Variants in MYPN observed in about 807,000 individuals in gnomAD.
MYPN encodes the protein myopalladin.
In MYPN, 63 loss-of-function variants were observed where a neutral mutation model predicts 129.4. The observed-to-expected ratio is 0.49, with a 90% CI of 0.40 to 0.60. The LOEUF (loss-of-function observed/expected upper bound fraction) is 0.60. Ranked by LOEUF, MYPN falls within the 20% of genes least tolerant of loss-of-function variation. The pLI, the probability that MYPN is intolerant of heterozygous loss-of-function variation, is 0.00. For synonymous variants in MYPN, 629 were observed against 600.9 expected, an observed-to-expected ratio of 1.05 and a Z score of -0.68; for missense variants, 1,596 against 1,635.4, an observed-to-expected ratio of 0.98 and a Z score of 0.42.
At chr10:68,151,297 C>T (rs538035116) in intron 6 of MYPN, among the ~76,000 whole-genome samples, 68 of 152,252 alleles carry the variant, frequency 4.5e-4, no homozygotes, top group Admixed American at 2.0e-3. Flanking sequence ...GAGTCTAGAG[C>T]GAACAACCAT....
intron 2 of MYPN, among the ~76,000 whole-genome samples, chr10:68,123,533 A>AC (rs1260065912): frequency 3.3e-5 from 5 of 151,146 alleles, no homozygotes; most frequent in African/African-American, 1.2e-4. Flanking sequence ...AAAAAAAAAA[A>AC]AAATTAGCCA....
At chr10:68,189,559 A>G (rs2043478028) in intron 13 of MYPN, among the ~76,000 whole-genome samples, 1 of 152,066 alleles carries the variant, frequency 6.6e-6, no homozygotes, top group Non-Finnish European at 1.5e-5. Flanking sequence ...CATTCCACTC[A>G]CCACCTCCAT....
At chr10:68,142,779 A>G (rs1274579546) in intron 2 of MYPN, among the ~76,000 whole-genome samples, 161 bp from the exon 3 acceptor site, 1 of 152,012 alleles carries the variant, frequency 6.6e-6, no homozygotes, top group Non-Finnish European at 1.5e-5. Context: ...AATACTGCCA[A>G]CTCTTCTCAC....
At position 68,121,004 on chromosome 10, in the gene MYPN, C is replaced by T. The variant is rs570760457; in HGVS notation, c.-1-434C>T. On this transcript the variant is annotated intron_variant, in intron 1 of 19. Transcript: ENST00000358913. ...TTTAAAGTTTGTAAAAGGGGGAGGG[C>T]ACAGTGGCTCACCCCTATAATCCCA... Among the ~76,000 whole-genome samples, 122 of 152,240 alleles carry T rather than the reference C, an allele frequency of 8.0e-4. 2 individuals are homozygous for T. Among genetic ancestry groups the T allele is most frequent in the Middle Eastern group, 3.4e-3 (1 of 294 alleles).
intron 16 of MYPN, among the ~76,000 whole-genome samples, chr10:68,198,604 G>A (rs572126253): frequency 4.4e-4 from 67 of 152,260 alleles, no homozygotes; most frequent in Non-Finnish European, 9.1e-4. Flanking sequence ...CCTAAACTCT[G>A]AAAGATTCCC....
intron 19 of MYPN, among the ~76,000 whole-genome samples, chr10:68,207,118 C>G (rs2043829751): frequency 6.6e-6 from 1 of 152,018 alleles, no homozygotes; most frequent in Non-Finnish European, 1.5e-5. Flanking sequence ...ATTAGCCAGG[C>G]ATGGTGGCAC....
intron 2 of MYPN, among the ~76,000 whole-genome samples, chr10:68,130,395 G>A (rs950312456): frequency 4.0e-5 from 6 of 151,848 alleles, no homozygotes; most frequent in South Asian, 4.2e-4. Context: ...GGGAGATGGA[G>A]GTTACAGTGA....
chr10:68,179,128 CTATTT>C (rs2043274938), intron 12 of MYPN, among the ~76,000 whole-genome samples: 1 of 152,096 alleles, frequency 6.6e-6, no homozygotes, highest in Non-Finnish European at 1.5e-5. Flanking sequence ...GTCAGTTCTT[CTATTT>C]AAGTCTTTCC....
chr10:68,166,282 T>C lies in MYPN; in HGVS notation c.1601-12T>C. On this transcript the variant is annotated splice_polypyrimidine_tract_variant and intron_variant, in intron 9 of 19. Transcript: ENST00000358913. ...GTGGCTGACAGCTCAGGTCCTGTGA[T>C]TGTCCTTTCAGGAAATGAGGACCTC... 1.2e-6 allele frequency: 2 copies of C among 1,614,088 alleles called. No individual in the cohort carries two copies. Among genetic ancestry groups the C allele is most frequent in the East Asian group, 2.2e-5 (1 of 44,872 alleles).
intron 1 of MYPN, among the ~76,000 whole-genome samples, chr10:68,088,123 C>T (rs1040896811): frequency 1.3e-5 from 2 of 152,138 alleles, no homozygotes; most frequent in South Asian, 2.1e-4. Flanking sequence ...ATTAAGAGAG[C>T]AATAGATGAA....
chr10:68,130,556 TA>T (rs1188153771), intron 2 of MYPN, among the ~76,000 whole-genome samples: 24 of 152,168 alleles, frequency 1.6e-4, no homozygotes, highest in African/African-American at 4.6e-4. Context: ...TGGTTTCATT[TA>T]TTTTTCTATT....
chr10:68,205,744 A>G (rs1214697836), intron 18 of MYPN, among the ~76,000 whole-genome samples: 1 of 152,172 alleles, frequency 6.6e-6, no homozygotes, highest in Non-Finnish European at 1.5e-5. Context: ...CACCCAAGGC[A>G]GTAGCACCTA....
chr10:68,138,817 C>T (rs2042528039), intron 2 of MYPN, among the ~76,000 whole-genome samples: 1 of 152,122 alleles, frequency 6.6e-6, no homozygotes, highest in Non-Finnish European at 1.5e-5. Context: ...AAACTGCTTA[C>T]CTTCCAGTTA....
At chr10:68,202,203 C>A (rs1010193133) in intron 18 of MYPN, among the ~76,000 whole-genome samples, 2 of 152,138 alleles carry the variant, frequency 1.3e-5, no homozygotes, top group Admixed American at 6.5e-5. Context: ...GAGGCCAAGG[C>A]GGGTGGATCA....
intron 13 of MYPN, among the ~76,000 whole-genome samples, chr10:68,194,032 C>T (rs564673049): frequency 1.2e-4 from 18 of 152,162 alleles, no homozygotes; most frequent in Admixed American, 1.2e-3. Flanking sequence ...CATTATTTTG[C>T]TTCTGAAGGC....
intron 2 of MYPN, among the ~76,000 whole-genome samples, chr10:68,128,817 A>G (rs1263491737): frequency 6.6e-6 from 1 of 152,182 alleles, no homozygotes; most frequent in African/African-American, 2.4e-5. Context: ...TCTGTGGGGA[A>G]AAGTGTCGCA....
At chr10:68,153,217 T>C (rs2042807885) in intron 6 of MYPN, among the ~76,000 whole-genome samples, 1 of 151,736 alleles carries the variant, frequency 6.6e-6, no homozygotes, top group Admixed American at 6.6e-5. Flanking sequence ...AACTCCGATC[T>C]CAGGTAATCC....
intron 2 of MYPN, among the ~76,000 whole-genome samples, chr10:68,135,256 A>T (rs775027370): frequency 5.3e-5 from 8 of 152,116 alleles, no homozygotes; most frequent in Non-Finnish European, 1.2e-4. Flanking sequence ...CCCAACCAGA[A>T]CTCAATAAAT....
chr10:68,134,157 T>C (rs1246892989), intron 2 of MYPN, among the ~76,000 whole-genome samples: 1 of 152,208 alleles, frequency 6.6e-6, no homozygotes, highest in Non-Finnish European at 1.5e-5. Flanking sequence ...TGTTCGTTTG[T>C]TCATTCATTC....
Sources: allele counts gnomAD v4.1 joint callset (sites outside exome capture counted in the v4.1 genomes callset), GRCh38; gene constraint gnomAD v4.1.1; transcripts MANE v1.5; gene names NCBI Gene and HGNC (gene_info 2026-07-23, HGNC 2026-07-21).